BICC1: variants seen among roughly 807,000 people sequenced by gnomAD.
The protein encoded by BICC1 is BicC family RNA binding protein 1.
In BICC1, 43 loss-of-function variants were observed where a neutral mutation model predicts 111.0. The observed-to-expected ratio is 0.39, with a 90% CI of 0.30 to 0.50. BICC1 has a LOEUF of 0.50. BICC1 is among the 20% of genes least tolerant of loss of function. BICC1 has a pLI of 0.88. For missense variants in BICC1, 1,091 were observed against 1,203.2 expected, an observed-to-expected ratio of 0.91 and a Z score of 1.38; for synonymous variants, 467 against 434.4, an observed-to-expected ratio of 1.07 and a Z score of -0.93.
intron 2 of BICC1, among the ~76,000 whole-genome samples, chr10:58,680,089 G>C (rs1488204520): frequency 4.6e-5 from 7 of 152,156 alleles, no homozygotes; most frequent in Non-Finnish European, 8.8e-5. Context: ...CATACTGAAT[G>C]GGCATTTCAA....
At chr10:58,550,870 T>G (rs1447350735) in intron 1 of BICC1, among the ~76,000 whole-genome samples, 1 of 152,172 alleles carries the variant, frequency 6.6e-6, no homozygotes, top group East Asian at 1.9e-4. Context: ...TATTTGGGGT[T>G]TGAGAAAGAG....
chr10:58,601,068 A>G (rs1845008076), intron 1 of BICC1, among the ~76,000 whole-genome samples: 2 of 146,664 alleles, frequency 1.4e-5, no homozygotes, highest in Admixed American at 1.4e-4. Context: ...ATTAGACTTG[A>G]TAAGAACACT....
chr10:58,586,546 C>T (rs1359004492), intron 1 of BICC1, among the ~76,000 whole-genome samples: 8 of 148,106 alleles, frequency 5.4e-5, no homozygotes, highest in Non-Finnish European at 8.9e-5. Flanking sequence ...CGGGGGGGCG[C>T]GGAGGTTGCA....
intron 2 of BICC1, among the ~76,000 whole-genome samples, chr10:58,645,275 G>A (rs569488332): frequency 3.3e-5 from 5 of 152,112 alleles, no homozygotes; most frequent in Admixed American, 2.0e-4. Context: ...TGGGTGTGGT[G>A]GTGGGCGCCT....
chr10:58,709,820 A>G (rs1432798909), intron 3 of BICC1, among the ~76,000 whole-genome samples: 1 of 152,174 alleles, frequency 6.6e-6, no homozygotes, highest in African/African-American at 2.4e-5. Flanking sequence ...GACTGCCTGC[A>G]CTAATGAGGG....
chr10:58,724,026 G>A (rs1841021608), intron 3 of BICC1, among the ~76,000 whole-genome samples: 1 of 152,190 alleles, frequency 6.6e-6, no homozygotes, highest in African/African-American at 2.4e-5. Context: ...GAGATTCTAT[G>A]TGACTTTAAG....
intron 3 of BICC1, among the ~76,000 whole-genome samples, chr10:58,748,453 T>C (rs1382240761): frequency 6.6e-6 from 1 of 151,732 alleles, no homozygotes; most frequent in East Asian, 1.9e-4. Flanking sequence ...AAGATTCATA[T>C]GAAAAAGTGG....
At chr10:58,682,907 T>C (rs1839583156) in intron 2 of BICC1, among the ~76,000 whole-genome samples, 1 of 152,246 alleles carries the variant, frequency 6.6e-6, no homozygotes, top group Non-Finnish European at 1.5e-5. Flanking sequence ...ATTTGTCAAT[T>C]TTGGCTTTTG....
At chr10:58,621,390 T>C (rs1383004765) in intron 2 of BICC1, among the ~76,000 whole-genome samples, 1 of 152,196 alleles carries the variant, frequency 6.6e-6, no homozygotes, top group Non-Finnish European at 1.5e-5. Context: ...GCTGATGCAG[T>C]TTAGGTACTG....
chr10:58,718,357 C>T (rs1393242384), intron 3 of BICC1, among the ~76,000 whole-genome samples: 1 of 152,104 alleles, frequency 6.6e-6, no homozygotes, highest in Non-Finnish European at 1.5e-5. Context: ...AGGATGCAGC[C>T]CTTATGACTT....
chr10:58,697,785 C>G (rs1003166090), intron 2 of BICC1, among the ~76,000 whole-genome samples: 2 of 152,056 alleles, frequency 1.3e-5, no homozygotes, highest in African/African-American at 4.8e-5. Context: ...ACTGGGGTTC[C>G]TGGACCAACC....
rs569217982 is a variant in BICC1, at chr10:58,790,098, T to C, written c.1047+165T>C. The stretch of plus-strand genomic sequence containing the variant: ...GAAATAAACTGGAAGAGTAATAAGG[T>C]TCATAGTGCCTCAACAGGTTTAATT... On this transcript the variant is annotated intron_variant, in intron 8 of 20. Transcript: ENST00000373886. Among the ~76,000 whole-genome samples, 217 of 152,304 alleles carry C rather than the reference T, an allele frequency of 1.4e-3. 1 individual carries two copies. The highest frequency in any genetic ancestry group is 4.9e-3 in the African/African-American group (202 of 41,558).
chr10:58,781,508 A>G (rs1402551806), intron 3 of BICC1, among the ~76,000 whole-genome samples: 2 of 152,190 alleles, frequency 1.3e-5, no homozygotes, highest in Non-Finnish European at 2.9e-5. Context: ...CTTTATGCCT[A>G]AATTGAGTTC....
intron 3 of BICC1, among the ~76,000 whole-genome samples, chr10:58,737,040 GA>G (rs934575422): frequency 2.3e-4 from 35 of 151,708 alleles, no homozygotes; most frequent in Admixed American, 4.6e-4. Context: ...GTCAACATTT[GA>G]AAAAAAATTT....
chr10:58,674,393 C>T (rs573705826), intron 2 of BICC1, among the ~76,000 whole-genome samples: 1 of 152,194 alleles, frequency 6.6e-6, no homozygotes, highest in African/African-American at 2.4e-5. Flanking sequence ...TAGTGAATGC[C>T]AAGAAAATGA....
chr10:58,581,088 G>C (rs988524905), intron 1 of BICC1, among the ~76,000 whole-genome samples: 1 of 152,020 alleles, frequency 6.6e-6, no homozygotes, highest in Non-Finnish European at 1.5e-5. Context: ...ATTTCTTGGT[G>C]TTTCAGTTTT....
chr10:58,613,046 C>T (rs1370718202), intron 1 of BICC1, among the ~76,000 whole-genome samples: 1 of 151,684 alleles, frequency 6.6e-6, no homozygotes, highest in Non-Finnish European at 1.5e-5. Context: ...TCTTGTGAAG[C>T]AAAAATATGA....
intron 5 of BICC1, 52 bp downstream of exon 5, chr10:58,787,133 TA>T: frequency 6.9e-7 from 1 of 1,459,208 alleles, no homozygotes; most frequent in Non-Finnish European, 9.1e-7. Context: ...AGCCTTAATT[TA>T]ATTTTCAGTT....
At chr10:58,566,293 TACACAC>T (rs1554807060) in intron 1 of BICC1, among the ~76,000 whole-genome samples, 3 of 150,390 alleles carry the variant, frequency 2.0e-5, no homozygotes, top group Non-Finnish European at 4.4e-5. Flanking sequence ...TACAAACATG[TACACAC>T]ACACCACATG....
Sources: gnomAD v4.1 joint callset for allele counts (sites outside exome capture counted in the v4.1 genomes callset) on GRCh38, gnomAD v4.1.1 for gene constraint, MANE v1.5 for transcripts, NCBI Gene and HGNC (gene_info 2026-07-23, HGNC 2026-07-21) for gene names.